RBFOX1: variants seen among roughly 807,000 people sequenced by gnomAD.
RBFOX1 encodes the protein RNA binding fox-1 homolog 1, also known as RNA binding protein fox-1 homolog 1.
A neutral mutation model predicts 57.7 loss-of-function variants in RBFOX1; 8 were observed. That is an observed-to-expected ratio of 0.14 (90% CI 0.08 to 0.25). RBFOX1 has a LOEUF of 0.25. Ranked by LOEUF, RBFOX1 falls within the 10% of genes least tolerant of loss-of-function variation. RBFOX1 has a pLI of 1.00. For synonymous variants in RBFOX1, 326 were observed against 222.4 expected (o/e 1.47, Z -4.15); for missense variants, 611 against 548.5 (o/e 1.11, Z -1.14).
At chr16:6,496,521 C>T (rs1203250035) in intron 2 of RBFOX1, among the ~76,000 whole-genome samples, 1 of 152,146 alleles carries the variant, frequency 6.6e-6, no homozygotes, top group Non-Finnish European at 1.5e-5. Flanking sequence ...TTTGCCTGCC[C>T]ACTTGAACGT....
intron 1 of RBFOX1, among the ~76,000 whole-genome samples, chr16:6,150,741 T>C (rs954597546): frequency 1.3e-5 from 2 of 152,196 alleles, no homozygotes; most frequent in African/African-American, 4.8e-5. Context: ...GGAATGGGTC[T>C]TGTTTATCTA....
rs948816693 is a variant in RBFOX1, at chr16:6,773,880, G to C, written c.-16+119230G>C. ...GTGTGGATGTAGGGTGCGTTTGTCT[G>C]TGTGTATTTGTGTGGGCATGGAGTG... On this transcript the variant is annotated intron_variant, in intron 3 of 15. Coordinates refer to ENST00000550418, the MANE Select transcript of RBFOX1 (RefSeq NM_018723.4). The C allele has an allele frequency of 6.9e-6, 6 of 875,102 alleles. No homozygotes were observed. In the East Asian group the frequency reaches 6.1e-4, roughly 88 times the overall value. The allele number at this position is 875,102 out of a possible 1,614,324, so 54.2% of individuals were successfully genotyped here. A position where few individuals can be genotyped will look rare whatever the true frequency, so the allele number is the denominator to read the frequency against.
chr16:7,666,031 C>T (rs1160805836), intron 13 of RBFOX1, among the ~76,000 whole-genome samples: 1 of 152,096 alleles, frequency 6.6e-6, no homozygotes, highest in Non-Finnish European at 1.5e-5. Context: ...AATGAGTGAA[C>T]AACCCATATG....
chr16:6,656,615 C>G (rs1166801032), intron 3 of RBFOX1, among the ~76,000 whole-genome samples: 2 of 151,164 alleles, frequency 1.3e-5, no homozygotes, highest in Admixed American at 6.6e-5. Flanking sequence ...CACACACACA[C>G]ACACACACAC....
chr16:7,153,561 C>G (rs899905992), intron 4 of RBFOX1, among the ~76,000 whole-genome samples: 1 of 151,458 alleles, frequency 6.6e-6, no homozygotes, highest in Admixed American at 6.6e-5. Context: ...TAGTGAAACC[C>G]CATCTCTACT....
chr16:6,098,025 G>A (rs1356290775), intron 1 of RBFOX1, among the ~76,000 whole-genome samples: 2 of 152,156 alleles, frequency 1.3e-5, no homozygotes, highest in African/African-American at 4.8e-5. Context: ...GGATGCTGGT[G>A]CTCACTTGGC....
intron 4 of RBFOX1, among the ~76,000 whole-genome samples, chr16:7,303,944 C>A (rs537091134): frequency 5.3e-5 from 8 of 151,902 alleles, no homozygotes; most frequent in Admixed American, 2.6e-4. Flanking sequence ...TTCCCTCTGC[C>A]GGTTCTCGTG....
At chr16:6,249,649 T>A (rs1211717003) in intron 1 of RBFOX1, among the ~76,000 whole-genome samples, 1 of 152,064 alleles carries the variant, frequency 6.6e-6, no homozygotes, top group Non-Finnish European at 1.5e-5. Flanking sequence ...AGGTAAGGCA[T>A]GCAGGCAAAG....
At chr16:7,238,837 A>G (rs555393518) in intron 4 of RBFOX1, among the ~76,000 whole-genome samples, 13 of 152,086 alleles carry the variant, frequency 8.5e-5, no homozygotes, top group Admixed American at 4.6e-4. Context: ...GTTCCCCTCT[A>G]TGTGTCCACG....
chr16:6,630,445 T>C (rs558491407), intron 2 of RBFOX1, among the ~76,000 whole-genome samples: 41 of 152,312 alleles, frequency 2.7e-4, no homozygotes, highest in African/African-American at 9.4e-4. Flanking sequence ...TAGGTCTTAA[T>C]GGTGATATAA....
rs1357562371 is a variant in RBFOX1 at position 5,474,499 on chromosome 16, C to CA, written c.258+7250dup. The stretch of plus-strand genomic sequence containing the variant: ...TGAAACCCCGTCTCTACTAAAAATA[C>CA]AAAAACTAGCCAAGTGTGGTGGTGG... On this transcript the variant is annotated intron_variant, in intron 2 of 2. Transcript: ENST00000585867. Among the ~76,000 whole-genome samples, 6 of 152,184 alleles carry CA rather than the reference C, an allele frequency of 3.9e-5. No individual in the cohort carries two copies. In the East Asian group the frequency reaches 1.2e-3, roughly 29 times the overall value.
intron 1 of RBFOX1, among the ~76,000 whole-genome samples, chr16:6,218,372 A>G (rs190699104): frequency 1.3e-5 from 2 of 152,066 alleles, no homozygotes; most frequent in African/African-American, 4.8e-5. Flanking sequence ...GCAGTGGCAC[A>G]ATCTCGGCTC....
chr16:6,269,601 A>G (rs941093822), intron 1 of RBFOX1, among the ~76,000 whole-genome samples: 2 of 152,232 alleles, frequency 1.3e-5, no homozygotes, highest in Non-Finnish European at 2.9e-5. Context: ...GTGCTGAAAG[A>G]AAATACTTGT....
At chr16:6,466,377 A>T (rs980957239) in intron 2 of RBFOX1, among the ~76,000 whole-genome samples, 3 of 152,148 alleles carry the variant, frequency 2.0e-5, no homozygotes, top group Non-Finnish European at 4.4e-5. Flanking sequence ...GTACTTTCCC[A>T]TATGTTATTT....
chr16:6,800,124 G>T (rs933400771), intron 3 of RBFOX1, among the ~76,000 whole-genome samples: 9 of 152,024 alleles, frequency 5.9e-5, no homozygotes, highest in Non-Finnish European at 1.2e-4. Flanking sequence ...ATGTATTATC[G>T]TTCCTAGTCC....
chr16:7,639,911 C>T (rs2062478006), intron 11 of RBFOX1, among the ~76,000 whole-genome samples: 1 of 152,162 alleles, frequency 6.6e-6, no homozygotes, highest in South Asian at 2.1e-4. Context: ...CACAGCATTG[C>T]AGAATTATCC....
intron 1 of RBFOX1, among the ~76,000 whole-genome samples, chr16:6,087,902 C>T (rs897989176): frequency 1.5e-4 from 23 of 152,276 alleles, no homozygotes; most frequent in East Asian, 3.9e-4. Flanking sequence ...CCACCTGCCT[C>T]GGCCTCCCAA....
chr16:6,373,878 A>G (rs907158978), intron 2 of RBFOX1, among the ~76,000 whole-genome samples: 1 of 152,120 alleles, frequency 6.6e-6, no homozygotes, highest in African/African-American at 2.4e-5. Context: ...TTAAGAAGTT[A>G]TTTTGGTTCC....
intron 1 of RBFOX1, among the ~76,000 whole-genome samples, chr16:6,227,126 GA>G (rs980627090): frequency 5.4e-4 from 80 of 147,760 alleles, no homozygotes; most frequent in African/African-American, 1.5e-3. Context: ...TCTGTCTCAA[GA>G]AAAAAAAAAG....
Sources: gnomAD v4.1 joint callset for allele counts (sites outside exome capture counted in the v4.1 genomes callset) on GRCh38, gnomAD v4.1.1 for gene constraint, MANE v1.5 for transcripts, NCBI Gene and HGNC (gene_info 2026-07-23, HGNC 2026-07-21) for gene names.